The following POU6F2 variants were observed in gnomAD, a reference collection of about 807,000 sequenced individuals.
The protein encoded by POU6F2 is POU domain, class 6, transcription factor 2.
Under a neutral mutation model 71.3 loss-of-function variants are expected in POU6F2, and 31 were observed. The observed-to-expected ratio is 0.43, with a 90% CI of 0.33 to 0.59. The LOEUF is 0.59. POU6F2 is among the 20% of genes least tolerant of loss of function. The pLI, the probability that POU6F2 is intolerant of heterozygous loss-of-function variation, is 0.04. For missense variants in POU6F2, 783 were observed against 856.8 expected (o/e 0.91, Z 1.07); for synonymous variants, 347 against 355.7 (o/e 0.98, Z 0.27).
At chr7:39,176,280 C>G (rs1487449442) in intron 2 of POU6F2, among the ~76,000 whole-genome samples, 1 of 152,176 alleles carries the variant, frequency 6.6e-6, no homozygotes, top group African/African-American at 2.4e-5. Context: ...ATGAGCATGA[C>G]TTAACTGGCA....
At chr7:39,200,321 G>T (rs1375610853) in intron 2 of POU6F2, among the ~76,000 whole-genome samples, 1 of 152,144 alleles carries the variant, frequency 6.6e-6, no homozygotes, top group East Asian at 1.9e-4. Context: ...GCCTCATGAG[G>T]GATATCAACC....
At chr7:39,302,850 G>A (rs776624889) in intron 4 of POU6F2, among the ~76,000 whole-genome samples, 1 of 152,228 alleles carries the variant, frequency 6.6e-6, no homozygotes, top group Non-Finnish European at 1.5e-5. Context: ...GTGACTGAAC[G>A]TCAGAGACCT....
chr7:39,253,589 G>A (rs1049726679), intron 4 of POU6F2, among the ~76,000 whole-genome samples: 7 of 152,188 alleles, frequency 4.6e-5, no homozygotes, highest in African/African-American at 1.7e-4. Context: ...AACAACAGCT[G>A]ATCACTGCTG....
chr7:39,317,539 C>G (rs1032551193), intron 4 of POU6F2, among the ~76,000 whole-genome samples: 1 of 152,162 alleles, frequency 6.6e-6, no homozygotes, highest in African/African-American at 2.4e-5. Flanking sequence ...TAATACATTA[C>G]CATGGGGGTT....
chr7:39,297,380 A>C (rs891116561), intron 4 of POU6F2, among the ~76,000 whole-genome samples: 4 of 152,178 alleles, frequency 2.6e-5, no homozygotes, highest in African/African-American at 9.7e-5. Flanking sequence ...AAATCACTTG[A>C]AACTCACATT....
chr7:39,411,287 A>C (rs138761770), intron 6 of POU6F2, among the ~76,000 whole-genome samples: 1 of 152,230 alleles, frequency 6.6e-6, no homozygotes, highest in Non-Finnish European at 1.5e-5. Context: ...AAGTAGATTT[A>C]CTATCGATTT....
At chr7:39,424,196 A>G (rs1348861235) in intron 6 of POU6F2, among the ~76,000 whole-genome samples, 2 of 152,122 alleles carry the variant, frequency 1.3e-5, no homozygotes, top group Non-Finnish European at 2.9e-5. Context: ...CTCACTTCAA[A>G]TACCATTATA....
At chr7:39,043,349 A>G (rs1396730013) in intron 1 of POU6F2, among the ~76,000 whole-genome samples, 1 of 151,978 alleles carries the variant, frequency 6.6e-6, no homozygotes, top group Non-Finnish European at 1.5e-5. Flanking sequence ...ACTATTTATG[A>G]GAGCAATTTT....
intron 2 of POU6F2, among the ~76,000 whole-genome samples, chr7:39,148,534 T>C (rs1792669258): frequency 6.6e-6 from 1 of 151,796 alleles, no homozygotes; most frequent in Non-Finnish European, 1.5e-5. Flanking sequence ...TTGATGATGA[T>C]AGTGATAATG....
At chr7:39,332,074 A>G (rs1283514835) in intron 4 of POU6F2, among the ~76,000 whole-genome samples, 1 of 152,194 alleles carries the variant, frequency 6.6e-6, no homozygotes. Context: ...ATTGAATCCA[A>G]CAGTTTTTCT....
At chr7:39,099,137 G>T (rs1178542242) in intron 2 of POU6F2, among the ~76,000 whole-genome samples, 3 of 152,204 alleles carry the variant, frequency 2.0e-5, no homozygotes, top group Non-Finnish European at 4.4e-5. Context: ...ACATAAGTGA[G>T]GTGGTGAGCA....
chr7:39,187,258 G>A lies in POU6F2; in HGVS notation c.278-16977G>A, dbSNP rs148036200. Among the ~76,000 whole-genome samples, 68 of 152,306 alleles carry A rather than the reference G, an allele frequency of 4.5e-4. 1 individual carries two copies. Among genetic ancestry groups the A allele is most frequent in the African/African-American group, 1.5e-3 (62 of 41,552 alleles). ...TCCGCCCTCAGAGCCTGTGCTCCTC[G>A]TCCTAAGGCTCTTGCTAGATCCCTG... is the stretch of plus-strand genomic sequence containing the variant. On this transcript the variant is annotated intron_variant, in intron 2 of 9. Transcript: ENST00000518318.
intron 1 of POU6F2, among the ~76,000 whole-genome samples, chr7:39,019,730 T>C (rs1276498449): frequency 6.6e-6 from 1 of 152,014 alleles, no homozygotes; most frequent in African/African-American, 2.4e-5. Context: ...ATGTCAACAA[T>C]TACATTTTGA....
At chr7:39,190,211 T>G (rs992572203) in intron 2 of POU6F2, among the ~76,000 whole-genome samples, 1 of 151,964 alleles carries the variant, frequency 6.6e-6, no homozygotes, top group African/African-American at 2.4e-5. Context: ...TTTCAGTGAA[T>G]CTATAAATCA....
At chr7:39,243,992 T>A (rs1389002277) in intron 4 of POU6F2, among the ~76,000 whole-genome samples, 1 of 152,146 alleles carries the variant, frequency 6.6e-6, no homozygotes, top group African/African-American at 2.4e-5. Flanking sequence ...ATCAAAAAGG[T>A]ATTCATATTT....
intron 4 of POU6F2, among the ~76,000 whole-genome samples, chr7:39,311,229 A>G (rs1056941937): frequency 1.3e-5 from 2 of 151,790 alleles, no homozygotes; most frequent in Non-Finnish European, 2.9e-5. Context: ...CACTATGCAG[A>G]GTGGTCACAT....
Position 38,994,845 on chromosome 7 carries a change from A to G in POU6F2, c.105+16787A>G, listed in dbSNP as rs1478232181. 2.6e-5 allele frequency among the ~76,000 whole-genome samples: 4 copies of G among 152,244 alleles called. No homozygotes were observed. In the South Asian group the frequency reaches 6.2e-4, roughly 24 times the overall value. On this transcript the variant is annotated intron_variant, in intron 1 of 9. Transcript: ENST00000518318. ...AAAACCTAAAAACCTGCCATTTTGT[A>G]TCTTGTCATTCTGCTCACCCACCCA...
chr7:39,418,637 C>G (rs923047008), intron 6 of POU6F2, among the ~76,000 whole-genome samples: 1 of 151,420 alleles, frequency 6.6e-6, no homozygotes, highest in African/African-American at 2.4e-5. Context: ...TTGCAGTGAG[C>G]TGAGATCGCA....
intron 4 of POU6F2, among the ~76,000 whole-genome samples, chr7:39,219,623 G>A (rs1203572413): frequency 4.6e-5 from 7 of 152,234 alleles, no homozygotes; most frequent in Admixed American, 3.3e-4. Flanking sequence ...GTAAGCAAAC[G>A]TAATCTCTGA....
Sources: allele counts gnomAD v4.1 joint callset (sites outside exome capture counted in the v4.1 genomes callset), GRCh38; gene constraint gnomAD v4.1.1; transcripts MANE v1.5; gene names NCBI Gene and HGNC (gene_info 2026-07-23, HGNC 2026-07-21).